The following MARCHF7 variants were observed in gnomAD, a reference collection of about 807,000 sequenced individuals.
MARCHF7 encodes membrane associated ring-CH-type finger 7.
A neutral mutation model predicts 76.5 loss-of-function variants in MARCHF7; 20 were observed. The observed-to-expected ratio is 0.26, with a 90% CI of 0.18 to 0.38. The LOEUF is 0.38. MARCHF7 is among the 10% of genes least tolerant of loss of function. MARCHF7 has a pLI of 1.00. For synonymous variants in MARCHF7, 295 were observed against 293.0 expected, an observed-to-expected ratio of 1.01 and a Z score of -0.07; for missense variants, 797 against 812.9, an observed-to-expected ratio of 0.98 and a Z score of 0.24.
At chr2:159,727,669 G>T (rs1452565686) in intron 3 of MARCHF7, among the ~76,000 whole-genome samples, 2 of 152,164 alleles carry the variant, frequency 1.3e-5, no homozygotes, top group Non-Finnish European at 2.9e-5. Flanking sequence ...ACAATCTAGC[G>T]TACATTCATG....
At chr2:159,765,628 T>G (rs1707677347) in intron 11 of MARCHF7, among the ~76,000 whole-genome samples, 1 of 152,206 alleles carries the variant, frequency 6.6e-6, no homozygotes, top group African/African-American at 2.4e-5. Context: ...ATTTTTACTT[T>G]TAGAGAAAGC....
intron 9 of MARCHF7, among the ~76,000 whole-genome samples, chr2:159,759,751 T>TA (rs372918398): frequency 3.3e-5 from 5 of 151,874 alleles, no homozygotes; most frequent in South Asian, 2.1e-4. Context: ...CATATTTGTT[T>TA]AAAAAAAACA....
chr2:159,745,724 G>T lies in MARCHF7; in HGVS notation c.347-46G>T, dbSNP rs778788516. The T allele has an allele frequency of 6.6e-6, 9 of 1,356,306 alleles. No homozygotes were observed. The African/African-American group carries it at 1.3e-4, about 20-fold the overall frequency. The allele number at this position is 1,356,306 out of a possible 1,614,324, so 84.0% of individuals were successfully genotyped here. A position where few individuals can be genotyped will look rare whatever the true frequency, so the allele number is the denominator to read the frequency against. On this transcript the variant is annotated intron_variant, in intron 5 of 11. Coordinates refer to ENST00000409175, the MANE Select transcript of MARCHF7 (RefSeq NM_001282805.2). ...TTACTGAAGATTGTCATCATCCAAA[G>T]CCTTGAAAGCTTTCTCTGAAATAAA...
At chr2:159,736,031 G>A (rs1703414051) in intron 4 of MARCHF7, among the ~76,000 whole-genome samples, 1 of 152,192 alleles carries the variant, frequency 6.6e-6, no homozygotes, top group Admixed American at 6.5e-5. Context: ...GGAGGCTGAG[G>A]TGGAAGGATC....
At position 159,762,921 on chromosome 2, in the gene MARCHF7, G is replaced by A. The variant is rs1707290316; in HGVS notation, c.1935G>A (p.Val645=). 6.2e-7 allele frequency: 1 copy of A among 1,613,066 alleles called. No homozygotes were observed. The highest frequency in any genetic ancestry group is 8.5e-7 in the Non-Finnish European group (1 of 1,179,676). ...EFISSGLYLV[V]LLHLCEQSFS... Reference sequence around the variant, plus strand: ...TCAGCTCTGGTCTCTACCTAGTGGTGTTATTGCACTTGTGCGAACAAAGCT... The same window carrying A: ...TCAGCTCTGGTCTCTACCTAGTGGTATTATTGCACTTGTGCGAACAAAGCT... The change falls in exon 10 of 12, where the codon GTG becomes GTA. Residue 645 remains valine (V), a synonymous_variant. Transcript: ENST00000409175.
rs778033777 is a variant in MARCHF7, at chr2:159,752,379, G to A, written c.1614-23G>A. 3.9e-6 allele frequency: 6 copies of A among 1,540,622 alleles called. No homozygotes were observed. In the East Asian group the frequency reaches 1.4e-4, roughly 37 times the overall value. On this transcript the variant is annotated intron_variant, in intron 7 of 11. Transcript: ENST00000409175. ...AACCAGGATGAGTTATGATAGCTTT[G>A]GGAAATGTGCCTTCTTTTCCAGCCT...
rs191223242 is a variant in MARCHF7, at chr2:159,765,662, T to C, written c.2056+988T>C. ...GCTCAGCATCCTTTGAAGTAAGGTT[T>C]AAAAAGGACTTAGTCCTCATAGGAA... On this transcript the variant is annotated intron_variant, in intron 11 of 11. Coordinates refer to ENST00000409175, the MANE Select transcript of MARCHF7 (RefSeq NM_001282805.2). 2.0e-3 allele frequency among the ~76,000 whole-genome samples: 310 copies of C among 152,302 alleles called. 4 individuals are homozygous for C. Among genetic ancestry groups the C allele is most frequent in the Non-Finnish European group, 2.3e-3 (155 of 68,004 alleles).
chr2:159,724,764 TG>T (rs1225820320), intron 3 of MARCHF7, among the ~76,000 whole-genome samples: 2 of 152,178 alleles, frequency 1.3e-5, no homozygotes, highest in Non-Finnish European at 2.9e-5. Flanking sequence ...ACATGTGCCA[TG>T]TTGGTGTGCT....
intron 10 of MARCHF7, among the ~76,000 whole-genome samples, chr2:159,764,255 T>TGTGTGCGCGCGC (rs10592175): frequency 4.9e-3 from 648 of 131,440 alleles, no homozygotes; most frequent in Non-Finnish European, 7.9e-3. Flanking sequence ...TGTGTGTGTG[T>TGTGTGCGCGCGC]GCGCGCGCCC....
At position 159,746,248 on chromosome 2, in the gene MARCHF7, G is replaced by A. The variant is rs79937399; in HGVS notation, c.514+311G>A. On this transcript the variant is annotated intron_variant, in intron 6 of 11. Transcript: ENST00000409175. ...CAAATAGAATTTGCCTGTAACAGAT[G>A]TAGTTTAATAAATAACTACTTCTGA... Among the ~76,000 whole-genome samples, 89 of 152,302 alleles carry A rather than the reference G, an allele frequency of 5.8e-4. 1 individual carries two copies. The East Asian group carries it at 0.016, about 27-fold the overall frequency.
Position 159,744,508 on chromosome 2 carries a change from A to G in MARCHF7, c.346+1255A>G, listed in dbSNP as rs371377558. 6.7e-4 allele frequency among the ~76,000 whole-genome samples: 102 copies of G among 152,220 alleles called. 2 individuals carry two copies. Among genetic ancestry groups the G allele is most frequent in the Non-Finnish European group, 1.3e-3 (90 of 68,030 alleles). On this transcript the variant is annotated intron_variant, in intron 5 of 11. Transcript: ENST00000409175. ...CCGTCTCACTCATACTCCTCTTCCA[A>G]TGAAATGTTAGCCAGTGCCAGTGTT...
At chr2:159,742,993 G>A (rs889895479) in intron 4 of MARCHF7, 68 bp from the exon 5 acceptor site, 1 of 1,324,100 alleles carries the variant, frequency 7.6e-7, no homozygotes, top group African/African-American at 1.5e-5. Context: ...ATTTATTAGA[G>A]GACTGTGGGT....
chr2:159,733,752 A>T, intron 4 of MARCHF7: 1 of 985,306 alleles, frequency 1.0e-6, no homozygotes. Context: ...AACATTTTTT[A>T]CTTCTGTTTT....
intron 3 of MARCHF7, among the ~76,000 whole-genome samples, chr2:159,722,027 A>G (rs1701694890): frequency 6.6e-6 from 1 of 152,222 alleles, no homozygotes; most frequent in South Asian, 2.1e-4. Context: ...CCATTGAGGA[A>G]AGATTGTACA....
Position 159,745,791 on chromosome 2 carries a change from A to C in MARCHF7, c.368A>C (p.Gln123Pro). The C allele has an allele frequency of 6.2e-7, 1 of 1,605,240 alleles. No homozygotes were observed. Among genetic ancestry groups the C allele is most frequent in the Non-Finnish European group, 8.5e-7 (1 of 1,177,192 alleles). The change falls in exon 6 of 12, where the codon CAA (glutamine) becomes CCA (proline). Residue 123 changes from glutamine (Q) to proline (P), a missense_variant. By Grantham distance (76) the Gln-to-Pro change is moderately conservative. Transcript: ENST00000409175. ...TAAGATTCATCTTGGAGGCATAGTC[A>C]AGTTCCTAGATCTTCATCAATGGTA... ...TLSDSSWRHSQVPRSSSMVLG... is the reference protein window; with the variant it reads ...TLSDSSWRHSPVPRSSSMVLG...
At chr2:159,742,966 A>G in intron 4 of MARCHF7, 95 bp from the exon 5 acceptor site, 1 of 1,152,586 alleles carries the variant, frequency 8.7e-7, no homozygotes, top group Non-Finnish European at 1.2e-6. Flanking sequence ...GTGGTAGAAA[A>G]ATTGATGCTT....
chr2:159,759,764 CAA>C (rs1024344518), intron 9 of MARCHF7, among the ~76,000 whole-genome samples: 4 of 152,098 alleles, frequency 2.6e-5, no homozygotes, highest in East Asian at 1.9e-4. Context: ...AAAAAACAAA[CAA>C]AGATATGCTG....
intron 9 of MARCHF7, among the ~76,000 whole-genome samples, chr2:159,760,441 T>C (rs574324658): frequency 3.3e-4 from 50 of 152,344 alleles, no homozygotes; most frequent in African/African-American, 1.1e-3. Flanking sequence ...ATGCCAGTTA[T>C]GTTGTTTTAT....
At chr2:159,733,396 C>A in intron 4 of MARCHF7, 1 of 503,816 alleles carries the variant, frequency 2.0e-6, no homozygotes, top group Non-Finnish European at 2.6e-6. Flanking sequence ...GCACACCACA[C>A]TGCACTGCTT....
Sources: gnomAD v4.1 joint callset for allele counts (sites outside exome capture counted in the v4.1 genomes callset) on GRCh38, gnomAD v4.1.1 for gene constraint, MANE v1.5 for transcripts, NCBI Gene and HGNC (gene_info 2026-07-23, HGNC 2026-07-21) for gene names.